Variants in RALYL observed in about 807,000 individuals in gnomAD.
RALYL encodes the protein RALY RNA binding protein like.
Under a neutral mutation model 35.1 loss-of-function variants are expected in RALYL, and 29 were observed. The ratio of observed to expected loss-of-function variants is 0.83; its 90% confidence interval spans 0.61 to 1.13. RALYL has a LOEUF of 1.13. Among genes scored for constraint, RALYL ranks in the 50% most tolerant of loss-of-function variants. The pLI, the probability that RALYL is intolerant of heterozygous loss-of-function variation, is 0.00. For missense variants in RALYL, 359 were observed against 360.4 expected, an observed-to-expected ratio of 1.00 and a Z score of 0.03; for synonymous variants, 120 against 127.6, an observed-to-expected ratio of 0.94 and a Z score of 0.40.
At chr8:84,831,119 A>G (rs2134389489) in intron 4 of RALYL, among the ~76,000 whole-genome samples, 1 of 152,292 alleles carries the variant, frequency 6.6e-6, no homozygotes, top group African/African-American at 2.4e-5. Context: ...AATAATAGCC[A>G]TTACCAAAGA....
intron 2 of RALYL, among the ~76,000 whole-genome samples, chr8:84,668,482 A>G (rs1019317340): frequency 4.6e-5 from 7 of 152,158 alleles, no homozygotes; most frequent in African/African-American, 1.7e-4. Flanking sequence ...AAAAGTGGAA[A>G]GGTAGTAGAT....
chr8:84,757,696 C>G (rs1811757602), intron 2 of RALYL, among the ~76,000 whole-genome samples: 2 of 151,836 alleles, frequency 1.3e-5, no homozygotes, highest in African/African-American at 4.8e-5. Flanking sequence ...TTTGGTTAGC[C>G]AAAACAAATT....
rs1832278713 is a variant in RALYL, at chr8:84,837,584, G to T, written c.366-12396G>T. On this transcript the variant is annotated intron_variant, in intron 4 of 8. Coordinates refer to ENST00000521268, the MANE Select transcript of RALYL (RefSeq NM_173848.7). ...CGTATATTGTAAAACCCAATGAGTT[G>T]TGATTCTTCTATAAATGAAAAAGTT... 2.0e-5 allele frequency among the ~76,000 whole-genome samples: 3 copies of T among 152,176 alleles called. No homozygotes were observed. The South Asian group carries it at 6.2e-4, about 32-fold the overall frequency.
intron 1 of RALYL, among the ~76,000 whole-genome samples, chr8:84,518,633 A>T (rs951546843): frequency 6.6e-6 from 1 of 152,166 alleles, no homozygotes; most frequent in East Asian, 1.9e-4. Context: ...GAAATTCACC[A>T]TTGCATCTAT....
At chr8:84,913,040 G>GATAGATAGA (rs1563856643) in intron 8 of RALYL, among the ~76,000 whole-genome samples, 40 of 130,142 alleles carry the variant, frequency 3.1e-4, no homozygotes, top group East Asian at 1.8e-3. Context: ...GGATAGGTAG[G>GATAGATAGA]TAGATAGATA....
intron 1 of RALYL, among the ~76,000 whole-genome samples, chr8:84,448,821 C>A (rs915337591): frequency 3.3e-5 from 5 of 151,938 alleles, no homozygotes; most frequent in Non-Finnish European, 7.4e-5. Flanking sequence ...GATTAAAAAC[C>A]CTGAGTGCCC....
intron 2 of RALYL, among the ~76,000 whole-genome samples, chr8:84,650,799 A>C (rs1253950504): frequency 3.3e-5 from 5 of 152,004 alleles, no homozygotes; most frequent in Non-Finnish European, 7.4e-5. Context: ...ACTATTCACA[A>C]TAGCAAAGAC....
chr8:84,656,043 T>A (rs565986672), intron 2 of RALYL, among the ~76,000 whole-genome samples: 8 of 152,328 alleles, frequency 5.3e-5, no homozygotes, highest in Admixed American at 4.6e-4. Flanking sequence ...ATAATTTGCA[T>A]CTTTCTCACA....
intron 1 of RALYL, among the ~76,000 whole-genome samples, chr8:84,213,796 G>A (rs1214072636): frequency 1.3e-5 from 2 of 152,062 alleles, no homozygotes; most frequent in Non-Finnish European, 2.9e-5. Flanking sequence ...ATATATGTTC[G>A]AATGCTCAAT....
chr8:84,521,787 AATT>A (rs749183600), intron 1 of RALYL, among the ~76,000 whole-genome samples: 1 of 152,192 alleles, frequency 6.6e-6, no homozygotes, highest in Non-Finnish European at 1.5e-5. Flanking sequence ...ACCAATAAGA[AATT>A]ATTAACTTTT....
intron 1 of RALYL, among the ~76,000 whole-genome samples, chr8:84,280,000 A>G (rs1322787983): frequency 6.6e-6 from 1 of 152,182 alleles, no homozygotes; most frequent in Admixed American, 6.5e-5. Context: ...TAGATAACAG[A>G]ATAATCTTGA....
chr8:84,745,582 G>A (rs1438414787), intron 2 of RALYL, among the ~76,000 whole-genome samples: 4 of 151,978 alleles, frequency 2.6e-5, no homozygotes, highest in Non-Finnish European at 4.4e-5. Flanking sequence ...ATGGCCCATA[G>A]TATATTTTTT....
chr8:84,310,242 T>A (rs1410833326), intron 1 of RALYL, among the ~76,000 whole-genome samples: 1 of 151,880 alleles, frequency 6.6e-6, no homozygotes, highest in Non-Finnish European at 1.5e-5. Flanking sequence ...GGTTTCACCA[T>A]GTTGTCCTGG....
chr8:84,766,158 T>C (rs2133438251), intron 2 of RALYL, among the ~76,000 whole-genome samples: 1 of 152,228 alleles, frequency 6.6e-6, no homozygotes, highest in East Asian at 1.9e-4. Context: ...TATAAAATAT[T>C]TTCCTAAACA....
chr8:84,303,312 A>G (rs1434702465), intron 1 of RALYL, among the ~76,000 whole-genome samples: 3 of 152,234 alleles, frequency 2.0e-5, no homozygotes, highest in Non-Finnish European at 4.4e-5. Context: ...TTGTTTAAAA[A>G]TAAATTGATG....
intron 1 of RALYL, among the ~76,000 whole-genome samples, chr8:84,408,856 A>T (rs922086911): frequency 1.3e-5 from 2 of 152,082 alleles, no homozygotes; most frequent in Non-Finnish European, 2.9e-5. Flanking sequence ...ATTTAACTAG[A>T]TTTTCCATAT....
intron 3 of RALYL, among the ~76,000 whole-genome samples, chr8:84,783,771 A>G (rs1368494847): frequency 1.3e-5 from 2 of 152,196 alleles, no homozygotes; most frequent in Admixed American, 6.5e-5. Flanking sequence ...ACAGTTTTCT[A>G]AAGTAAATCC....
chr8:84,705,885 T>C, intron 2 of RALYL: 1 of 1,459,352 alleles, frequency 6.9e-7, no homozygotes, highest in Non-Finnish European at 9.0e-7. Context: ...GAGAATGGTA[T>C]TACCCTGGCT....
intron 1 of RALYL, among the ~76,000 whole-genome samples, chr8:84,310,995 C>A (rs1042292829): frequency 4.4e-5 from 5 of 112,892 alleles, no homozygotes; most frequent in Non-Finnish European, 8.4e-5. Context: ...TGCAGTGAGC[C>A]GAGATTGCGC....
Sources: gnomAD v4.1 joint callset for allele counts (sites outside exome capture counted in the v4.1 genomes callset) on GRCh38, gnomAD v4.1.1 for gene constraint, MANE v1.5 for transcripts, NCBI Gene and HGNC (gene_info 2026-07-23, HGNC 2026-07-21) for gene names.